MORC1: variants seen among roughly 807,000 people sequenced by gnomAD.
The protein encoded by MORC1 is MORC family CW-type zinc finger 1, also known as MORC family CW-type zinc finger protein 1.
Under a neutral mutation model 134.9 loss-of-function variants are expected in MORC1, and 59 were observed. The observed-to-expected ratio is 0.44, with a 90% confidence interval of 0.35 to 0.54. MORC1 has a LOEUF of 0.54. MORC1 is among the 20% of genes least tolerant of loss of function. The probability of loss-of-function intolerance (pLI) is 0.00; values close to 1 mark genes in which losing one functional copy is unlikely to be tolerated. For synonymous variants in MORC1, 395 were observed against 391.7 expected (o/e 1.01, Z -0.10); for missense variants, 947 against 1,134.5 (o/e 0.83, Z 2.37).
chr3:108,969,386 C>T (rs1270295618), intron 26 of MORC1, among the ~76,000 whole-genome samples: 3 of 152,080 alleles, frequency 2.0e-5, no homozygotes, highest in East Asian at 1.9e-4. Flanking sequence ...TTTGAGGATT[C>T]GGTGAAAATA....
chr3:109,025,379 CT>C (rs63701060), intron 17 of MORC1, among the ~76,000 whole-genome samples: 15,017 of 105,048 alleles, frequency 0.14, 866 homozygotes, highest in South Asian at 0.16. Flanking sequence ...TTTCTTTTTT[CT>C]TTTTTTTTTT....
intron 17 of MORC1, among the ~76,000 whole-genome samples, chr3:109,025,379 C>CTTTTTTTTTTT (rs63701060): frequency 5.7e-5 from 6 of 105,078 alleles, no homozygotes; most frequent in African/African-American, 1.5e-4. Context: ...TTTCTTTTTT[C>CTTTTTTTTTTT]TTTTTTTTTT....
At chr3:109,019,971 C>T (rs1948916550) in intron 17 of MORC1, among the ~76,000 whole-genome samples, 1 of 152,000 alleles carries the variant, frequency 6.6e-6, no homozygotes, top group Non-Finnish European at 1.5e-5. Flanking sequence ...CTGCAGTGAC[C>T]ACATGGTATA....
At chr3:109,026,356 G>GA (rs900233920) in intron 17 of MORC1, among the ~76,000 whole-genome samples, 3 of 151,560 alleles carry the variant, frequency 2.0e-5, no homozygotes, top group Non-Finnish European at 2.9e-5. Flanking sequence ...TAAATCTTAT[G>GA]AAAAAAAATC....
chr3:109,045,488 T>G (rs1005115572), intron 14 of MORC1, among the ~76,000 whole-genome samples: 3 of 152,188 alleles, frequency 2.0e-5, no homozygotes, highest in Non-Finnish European at 2.9e-5. Context: ...TGATGCCTGG[T>G]ACACTGTTGA....
At chr3:109,077,867 A>C (rs1230492490) in intron 8 of MORC1, among the ~76,000 whole-genome samples, 2 of 152,224 alleles carry the variant, frequency 1.3e-5, no homozygotes, top group East Asian at 3.9e-4. Flanking sequence ...TGTAACAGAC[A>C]AATCAAAATC....
chr3:108,998,516 T>A (rs148904115), intron 21 of MORC1, among the ~76,000 whole-genome samples: 1 of 152,128 alleles, frequency 6.6e-6, no homozygotes, highest in Non-Finnish European at 1.5e-5. Context: ...TGCACCACCA[T>A]TAGCACTGAG....
intron 27 of MORC1, among the ~76,000 whole-genome samples, chr3:108,959,942 ATGCTTCATGAAAAGT>A (rs1947036929): frequency 6.6e-6 from 1 of 152,222 alleles, no homozygotes; most frequent in South Asian, 2.1e-4. Flanking sequence ...AAAATCATTC[ATGCTTCATGAAAAGT>A]TTATGGGGAC....
intron 7 of MORC1, 35 bp downstream of exon 7, chr3:109,094,874 C>T (rs1390784167): frequency 6.6e-7 from 1 of 1,522,796 alleles, no homozygotes; most frequent in East Asian, 2.4e-5. Context: ...AAAACAAATA[C>T]TTCCATCAAA....
chr3:108,978,590 A>C (rs915032522), intron 24 of MORC1, among the ~76,000 whole-genome samples: 5 of 152,268 alleles, frequency 3.3e-5, no homozygotes, highest in Middle Eastern at 3.4e-3. Flanking sequence ...GTCTCCTCTC[A>C]TAAACAGGAC....
intron 3 of MORC1, chr3:109,109,785 C>G (rs867806792): frequency 6.6e-6 from 1 of 152,270 alleles, no homozygotes; most frequent in African/African-American, 2.4e-5. Flanking sequence ...CTGCAGAGAG[C>G]GTGAGTCCTG....
At chr3:109,117,127 A>G (rs1459879744) in intron 1 of MORC1, among the ~76,000 whole-genome samples, 2 of 152,132 alleles carry the variant, frequency 1.3e-5, no homozygotes, top group Non-Finnish European at 2.9e-5. Flanking sequence ...CCAGCTTGAC[A>G]TCATTCTCTA....
intron 17 of MORC1, among the ~76,000 whole-genome samples, chr3:109,019,934 G>T (rs1262672894): frequency 6.6e-6 from 1 of 152,158 alleles, no homozygotes; most frequent in East Asian, 1.9e-4. Flanking sequence ...TGAAAAATAT[G>T]TAATTCTCCT....
intron 18 of MORC1, among the ~76,000 whole-genome samples, chr3:109,005,655 C>A (rs1032520527): frequency 6.6e-6 from 1 of 152,200 alleles, no homozygotes; most frequent in East Asian, 1.9e-4. Flanking sequence ...GTCATCCCTA[C>A]CCACATTCAC....
chr3:109,006,168 T>C (rs998640098), intron 18 of MORC1, among the ~76,000 whole-genome samples: 1 of 152,214 alleles, frequency 6.6e-6, no homozygotes, highest in African/African-American at 2.4e-5. Flanking sequence ...ACTCTGGTGA[T>C]AATTTATTAC....
At chr3:109,014,242 A>G (rs566828532) in intron 17 of MORC1, among the ~76,000 whole-genome samples, 1 of 152,322 alleles carries the variant, frequency 6.6e-6, no homozygotes, top group South Asian at 2.1e-4. Context: ...ACATATCACA[A>G]TGTCTAATAG....
intron 17 of MORC1, among the ~76,000 whole-genome samples, chr3:109,021,742 C>T (rs1359167912): frequency 6.6e-6 from 1 of 152,178 alleles, no homozygotes; most frequent in Non-Finnish European, 1.5e-5. Context: ...ACCACAAATG[C>T]TGTTCCATCA....
chr3:109,091,782 T>C (rs529656003), intron 8 of MORC1, among the ~76,000 whole-genome samples: 1 of 152,106 alleles, frequency 6.6e-6, no homozygotes, highest in Non-Finnish European at 1.5e-5. Context: ...TAAAAAAAAA[T>C]TTTTGCTGAA....
At chr3:109,073,522 C>T (rs560823607) in intron 8 of MORC1, among the ~76,000 whole-genome samples, 19 of 152,230 alleles carry the variant, frequency 1.2e-4, no homozygotes, top group Admixed American at 2.6e-4. Flanking sequence ...GACCTAGACA[C>T]GAGCTGAGAA....
Sources: gnomAD v4.1 joint callset for allele counts (sites outside exome capture counted in the v4.1 genomes callset) on GRCh38, gnomAD v4.1.1 for gene constraint, MANE v1.5 for transcripts, NCBI Gene and HGNC (gene_info 2026-07-23, HGNC 2026-07-21) for gene names.